The following MGAM variants were observed in gnomAD, a reference collection of about 807,000 sequenced individuals.
MGAM encodes maltase-glucoamylase, also known as alpha-1,4-glucosidase.
Under a neutral mutation model 358.8 loss-of-function variants are expected in MGAM, and 253 were observed. That is an observed-to-expected ratio of 0.71 (90% CI 0.64 to 0.78). MGAM has a LOEUF of 0.78. Ranked by LOEUF, MGAM falls within the 30% of genes least tolerant of loss-of-function variation. The pLI, the probability that MGAM is intolerant of heterozygous loss-of-function variation, is 0.00. For synonymous variants in MGAM, 1,105 were observed against 1,227.1 expected (o/e 0.90, Z 2.08); for missense variants, 3,080 against 3,432.6 (o/e 0.90, Z 2.57).
chr7:142,017,380 T>C (rs1158667189), intron 3 of MGAM, among the ~76,000 whole-genome samples: 3 of 152,210 alleles, frequency 2.0e-5, no homozygotes, highest in African/African-American at 7.2e-5. Flanking sequence ...TCCTAGGTTT[T>C]ACATAGTTTG....
chr7:142,055,796 A>C, intron 28 of MGAM, 70 bp downstream of exon 28: 1 of 1,595,020 alleles, frequency 6.3e-7, no homozygotes, highest in Non-Finnish European at 8.5e-7. Flanking sequence ...TTTGGGCTTC[A>C]TCTTCCCAAA....
rs746932285 is a variant in MGAM at position 142,085,921 on chromosome 7, A to G, written c.6596A>G (p.Asn2199Ser). The G allele has an allele frequency of 3.3e-5, 51 of 1,566,156 alleles. 7 individuals carry two copies. Among genetic ancestry groups the G allele is most frequent in the Non-Finnish European group, 4.1e-5 (47 of 1,141,390 alleles). ...TTTGCCGGGTTTCCAGCTCTGATCA[A>G]TCGCATGAAGGCTGATGGGATGCGG... is the stretch of plus-strand genomic sequence containing the variant. ...PKFAGFPALINRMKADGMRVI... is the reference protein window; with the variant it reads ...PKFAGFPALISRMKADGMRVI... The change falls in exon 55 of 71, where the codon AAT becomes AGT. Residue 2199 changes from asparagine to serine, a missense_variant. This residue lies in a region of MGAM where 932 missense variants were observed against 1,198.2 expected (regional missense o/e 0.78). Coordinates refer to ENST00000475668, the MANE Select transcript of MGAM (RefSeq NM_001365693.1).
rs777631001 is a variant in MGAM at position 142,058,246 on chromosome 7, T to C, written c.3737T>C (p.Phe1246Ser). ...ATGGTACCTTACTGGTCTTTGGGGT[T>C]CCAGCTGTGTCGCTATGGCTACCAG... ...PVMVPYWSLG[F>S]QLCRYGYQND... The change falls in exon 31 of 71, where the codon TTC becomes TCC. Residue 1246 changes from phenylalanine to serine, a missense_variant. Physicochemically the swap from Phe to Ser is radical, Grantham distance 155. Transcript: ENST00000475668. The C allele has an allele frequency of 6.8e-6, 11 of 1,613,936 alleles. No homozygotes were observed. Among genetic ancestry groups the C allele is most frequent in the South Asian group, 1.1e-5 (1 of 91,076 alleles).
In MGAM at chr7:142,045,401, T is replaced by TATATTATATATACCTATAATACATGA. The variant is rs1563157753; in HGVS notation, c.2499-2384_2499-2383insATATTATATATACCTATAATACATGA. Among the ~76,000 whole-genome samples the TATATTATATATACCTATAATACATGA allele has an allele frequency of 1.4e-4, 7 of 48,950 alleles. 1 individual carries two copies. Among genetic ancestry groups the TATATTATATATACCTATAATACATGA allele is most frequent in the Non-Finnish European group, 3.1e-4 (7 of 22,400 alleles). The allele number at this position is 48,950 out of a possible 152,430, so 32.1% of individuals were successfully genotyped here. On this transcript the variant is annotated intron_variant, in intron 21 of 70. Coordinates refer to ENST00000475668, the MANE Select transcript of MGAM (RefSeq NM_001365693.1). ...ATATATCCCTATAATACATGATATA[T>TATATTATATATACCTATAATACATGA]TATATATATTATATATACCTATAAT... is the stretch of plus-strand genomic sequence containing the variant.
intron 1 of MGAM, among the ~76,000 whole-genome samples, chr7:142,000,354 A>T (rs763638667): frequency 3.3e-5 from 5 of 152,182 alleles, no homozygotes; most frequent in Non-Finnish European, 5.9e-5. Flanking sequence ...AAATTTCCAT[A>T]GTCCTGCTTG....
At chr7:141,988,494 A>T (rs1554446660) in intron 2 of MGAM, among the ~76,000 whole-genome samples, 1 of 152,004 alleles carries the variant, frequency 6.6e-6, no homozygotes, top group Non-Finnish European at 1.5e-5. Context: ...CCTCCCGAGT[A>T]GCTGAGATAA....
rs1267168842 is a variant in MGAM, at chr7:142,066,758, G to A, written c.4919+37G>A. On this transcript the variant is annotated intron_variant, in intron 41 of 70. Coordinates refer to ENST00000475668, the MANE Select transcript of MGAM (RefSeq NM_001365693.1). ...GCAGGGATCCCGATGACTAATGGAT[G>A]ACTTATTGCATTCTATGTGGTAGCA... 5 of 1,535,832 alleles carry A rather than the reference G, an allele frequency of 3.3e-6. 1 individual carries two copies. Among genetic ancestry groups the A allele is most frequent in the Non-Finnish European group, 4.5e-6 (5 of 1,119,962 alleles).
chr7:142,065,756 C>G lies in MGAM; in HGVS notation c.4695C>G (p.Tyr1565Ter), dbSNP rs113709751. 5.2e-6 allele frequency: 8 copies of G among 1,551,034 alleles called. 2 individuals carry two copies. The highest frequency in any genetic ancestry group is 1.7e-5 in the Admixed American group (1 of 58,164). ...GTGGGTTCTTTCAAGACGCTGAGTA[C>G]GAGATGTGTGTTCGCTGGATGCAGC... ...DICGFFQDAE[Y>*]EMCVRWMQLG... is the part of the protein sequence containing the mutation. The change falls in exon 40 of 71, where the codon TAC becomes TAG. Residue 1565 changes from tyrosine (Y) to a stop codon, truncating the protein, a stop_gained. Transcript: ENST00000475668. LOFTEE classifies it high-confidence loss of function.
At chr7:142,089,830 A>G (rs996108202) in intron 57 of MGAM, among the ~76,000 whole-genome samples, 6 of 146,030 alleles carry the variant, frequency 4.1e-5, no homozygotes, top group Non-Finnish European at 7.7e-5. Flanking sequence ...GTAATGACAA[A>G]AACTTCAATT....
In MGAM at chr7:142,065,469, G is replaced by A. The variant is rs1288570388; in HGVS notation, c.4618+1G>A. 6.2e-7 allele frequency: 1 copy of A among 1,610,442 alleles called. No individual in the cohort carries two copies. The highest frequency in any genetic ancestry group is 1.4e-5 in the African/African-American group (1 of 73,062). On this transcript the variant is annotated splice_donor_variant, in intron 38 of 70. Coordinates refer to ENST00000475668, the MANE Select transcript of MGAM (RefSeq NM_001365693.1). LOFTEE classifies it high-confidence loss of function. ...GATCAGCTGAAGAAGTCTATCATTG[G>A]TGCGTGGGTCCTTCCCCAGGGCCTT...
intron 67 of MGAM, among the ~76,000 whole-genome samples, 165 bp downstream of exon 67, chr7:142,099,902 T>A (rs537584018): frequency 3.9e-5 from 6 of 152,372 alleles, no homozygotes; most frequent in African/African-American, 1.4e-4. Flanking sequence ...TCAGACTCTA[T>A]ACTCTTCGAC....
At chr7:142,098,877 GTTAATA>G (rs888665895) in intron 66 of MGAM, among the ~76,000 whole-genome samples, 3 of 152,240 alleles carry the variant, frequency 2.0e-5, no homozygotes, top group African/African-American at 4.8e-5. Context: ...GAATTTCATA[GTTAATA>G]TTAATGAAGA....
At chr7:141,995,648 C>T (rs1490147551), upstream of MGAM, among the ~76,000 whole-genome samples, 1 of 152,154 alleles carries the variant, frequency 6.6e-6, no homozygotes, top group Non-Finnish European at 1.5e-5. Context: ...ATTAAACATT[C>T]AGTGCCTGGA....
intron 17 of MGAM, 44 bp from the exon 18 acceptor site, chr7:142,036,779 A>G (rs782579826): frequency 2.5e-6 from 4 of 1,588,746 alleles, no homozygotes; most frequent in South Asian, 2.3e-5. Flanking sequence ...TGCTTCTGCT[A>G]TCCTGCAGCC....
At chr7:142,072,647 G>C (rs531450248) in intron 44 of MGAM, among the ~76,000 whole-genome samples, 1 of 146,110 alleles carries the variant, frequency 6.8e-6, no homozygotes, top group South Asian at 2.2e-4. Flanking sequence ...TTGTGTGCTT[G>C]GTGATTTTTT....
intron 57 of MGAM, among the ~76,000 whole-genome samples, chr7:142,090,677 G>A (rs1287395818): frequency 6.9e-6 from 1 of 145,722 alleles, no homozygotes; most frequent in Non-Finnish European, 1.6e-5. Context: ...TCATTCTGTT[G>A]CCTCCCCGAA....
intron 21 of MGAM, among the ~76,000 whole-genome samples, chr7:142,041,934 T>C (rs1404209892): frequency 0.067 from 1,971 of 29,516 alleles, 106 homozygotes; most frequent in Non-Finnish European, 0.083. Flanking sequence ...ATATAATATA[T>C]ATATTATATA....
intron 49 of MGAM, among the ~76,000 whole-genome samples, 163 bp downstream of exon 49, chr7:142,079,171 C>A (rs1363461887): frequency 6.9e-6 from 1 of 145,950 alleles, no homozygotes; most frequent in African/African-American, 2.4e-5. Flanking sequence ...ATGAGACCTG[C>A]CCTAATTTTC....
At chr7:141,996,093 G>A (rs1219759483) in intron 1 of MGAM, among the ~76,000 whole-genome samples, 163 bp downstream of exon 1, 4 of 151,940 alleles carry the variant, frequency 2.6e-5, no homozygotes, top group African/African-American at 7.3e-5. Flanking sequence ...GGTGGATCAC[G>A]AGATCAGGAG....
Sources: allele counts gnomAD v4.1 joint callset (sites outside exome capture counted in the v4.1 genomes callset), GRCh38; gene constraint gnomAD v4.1.1; regional missense constraint gnomAD v4.1.1; transcripts MANE v1.5; gene names NCBI Gene and HGNC (gene_info 2026-07-23, HGNC 2026-07-21).